PLCH1: variants seen among roughly 807,000 people sequenced by gnomAD.
PLCH1 encodes the protein phospholipase C eta 1.
In PLCH1, 60 loss-of-function variants were observed where a neutral mutation model predicts 126.7. That is an observed-to-expected ratio of 0.47 (90% CI 0.38 to 0.59). The LOEUF (loss-of-function observed/expected upper bound fraction) is 0.59, where lower values mean the gene tolerates loss of function less well. PLCH1 is among the 20% of genes least tolerant of loss of function. The probability of loss-of-function intolerance (pLI) is 0.00; values close to 1 mark genes in which losing one functional copy is unlikely to be tolerated. For synonymous variants in PLCH1, 719 were observed against 734.9 expected (o/e 0.98, Z 0.35); for missense variants, 1,723 against 2,040.0 (o/e 0.84, Z 2.99).
intron 21 of PLCH1, among the ~76,000 whole-genome samples, chr3:155,451,613 G>A (rs539494688): frequency 3.3e-5 from 5 of 152,240 alleles, no homozygotes; most frequent in African/African-American, 4.8e-5. Context: ...CAATGTGTGC[G>A]GGCCTCTTTC....
chr3:155,452,173 A>G (rs57985049), intron 21 of PLCH1, among the ~76,000 whole-genome samples: 6,740 of 152,250 alleles, frequency 0.044, 366 homozygotes, highest in African/African-American at 0.13. Flanking sequence ...CAGAATCATG[A>G]TAGGAGGAGA....
intron 21 of PLCH1, among the ~76,000 whole-genome samples, chr3:155,486,690 A>C (rs2108044624): frequency 6.7e-6 from 1 of 149,888 alleles, no homozygotes; most frequent in South Asian, 2.1e-4. Context: ...GCGCCCGGCT[A>C]ATTTTTTGTA....
At position 155,488,028 on chromosome 3, in the gene PLCH1, C is replaced by G; in HGVS notation, c.2619G>C (p.Lys873Asn). The change falls in exon 21 of 23, where the codon AAG becomes AAC. Residue 873 changes from lysine (K) to asparagine (N), a missense_variant and splice_region_variant. By Grantham distance (94) the Lys-to-Asn change is moderately conservative. Transcript: ENST00000460012. ...VHITINEIYG[K>N]NRQLQGLKGL... ...CTTTAAATCCTATGATCTTTCTCAC[C>G]TTTCCATAGATTTCATTGATGGTTA... 1 of 1,554,820 alleles carries G rather than the reference C, an allele frequency of 6.4e-7. No homozygotes were observed. Among genetic ancestry groups the G allele is most frequent in the Non-Finnish European group, 8.9e-7 (1 of 1,125,896 alleles).
chr3:155,708,717 A>C (rs1195997643), intron 1 of PLCH1, among the ~76,000 whole-genome samples: 1 of 152,148 alleles, frequency 6.6e-6, no homozygotes, highest in East Asian at 1.9e-4. Context: ...TTTTAAATTG[A>C]TCACCTTTTT....
chr3:155,540,443 A>G (rs1227971857), intron 10 of PLCH1, among the ~76,000 whole-genome samples: 5 of 152,346 alleles, frequency 3.3e-5, no homozygotes, highest in South Asian at 4.1e-4. Flanking sequence ...TAATCAGTGG[A>G]GTAAACAGAC....
At chr3:155,503,673 G>A (rs1718241238) in intron 13 of PLCH1, among the ~76,000 whole-genome samples, 1 of 151,954 alleles carries the variant, frequency 6.6e-6, no homozygotes, top group Admixed American at 6.5e-5. Flanking sequence ...GAGTAGCTGG[G>A]ATTACAGGCA....
At chr3:155,645,048 C>T (rs1048804350) in intron 2 of PLCH1, among the ~76,000 whole-genome samples, 11 of 152,260 alleles carry the variant, frequency 7.2e-5, no homozygotes, top group Non-Finnish European at 1.2e-4. Flanking sequence ...CACAATCCTA[C>T]GAGACAGAAT....
intron 1 of PLCH1, among the ~76,000 whole-genome samples, chr3:155,741,684 CT>C (rs71624571): frequency 0.053 from 5,472 of 102,524 alleles, 67 homozygotes; most frequent in Middle Eastern, 0.099. Context: ...TTTATATCCT[CT>C]TTTTTTTTTT....
At chr3:155,691,842 A>G (rs1220181059) in intron 2 of PLCH1, among the ~76,000 whole-genome samples, 2 of 152,136 alleles carry the variant, frequency 1.3e-5, no homozygotes, top group Non-Finnish European at 2.9e-5. Context: ...AACACTATTA[A>G]TATGTTCTTT....
intron 21 of PLCH1, among the ~76,000 whole-genome samples, chr3:155,472,796 T>A (rs965373618): frequency 6.6e-6 from 1 of 150,376 alleles, no homozygotes; most frequent in African/African-American, 2.4e-5. Flanking sequence ...ATAAATGTAA[T>A]CCAGCATATA....
At chr3:155,736,711 T>A (rs936776157) in intron 1 of PLCH1, among the ~76,000 whole-genome samples, 1 of 152,200 alleles carries the variant, frequency 6.6e-6, no homozygotes, top group Non-Finnish European at 1.5e-5. Context: ...GTTTTAAAAA[T>A]TATAAAATGC....
At position 155,481,866 on chromosome 3, in the gene PLCH1, C is replaced by T. The variant is rs763404012; in HGVS notation, c.4160G>A (p.Gly1387Asp). Reference protein sequence around the residue: ...ASPLKLKYNQGVVEHFQRGLR... With the variant: ...ASPLKLKYNQDVVEHFQRGLR... ...ACCTCTTTGAAAGTGTTCTACCACACCCTGATTGTACTTGAGTTTTAAAGG... is the reference window on the plus strand; with the variant it reads ...ACCTCTTTGAAAGTGTTCTACCACATCCTGATTGTACTTGAGTTTTAAAGG... Residue 1387 changes from glycine (G) to aspartate (D), a missense_variant, in exon 23 of 23, where the codon GGT becomes GAT. This residue lies in a region of PLCH1 where 947 missense variants were observed against 977.1 expected (regional missense o/e 0.97). Coordinates refer to ENST00000460012, the MANE Select transcript of PLCH1 (RefSeq NM_014996.4). This position sits in a 1 kb window ranked among gnomAD's most constrained non-coding sequence, Gnocchi z 4.2. The T allele has an allele frequency of 1.9e-6, 3 of 1,614,158 alleles. No individual in the cohort carries two copies. Among genetic ancestry groups the T allele is most frequent in the South Asian group, 2.2e-5 (2 of 91,084 alleles).
At chr3:155,671,294 G>C (rs1743416482) in intron 2 of PLCH1, among the ~76,000 whole-genome samples, 1 of 152,120 alleles carries the variant, frequency 6.6e-6, no homozygotes. Flanking sequence ...ATTAGTAGTA[G>C]GTACTCGATT....
intron 2 of PLCH1, among the ~76,000 whole-genome samples, chr3:155,628,251 C>T (rs140690448): frequency 1.3e-5 from 2 of 151,504 alleles, no homozygotes; most frequent in Non-Finnish European, 2.9e-5. Context: ...ACTCTCTGAC[C>T]TCTCCCACCC....
chr3:155,622,431 T>C (rs1029990462), intron 2 of PLCH1, among the ~76,000 whole-genome samples: 3 of 152,174 alleles, frequency 2.0e-5, no homozygotes, highest in Non-Finnish European at 4.4e-5. Context: ...TAAATGTAAA[T>C]GGGCTAAATG....
chr3:155,582,965 C>T (rs532900206), intron 6 of PLCH1, among the ~76,000 whole-genome samples: 147 of 151,884 alleles, frequency 9.7e-4, no homozygotes, highest in African/African-American at 3.5e-3. Flanking sequence ...TTCACATGAT[C>T]AAATGGCAAT....
rs143309483 is a variant in PLCH1 at position 155,609,183 on chromosome 3, A to C, written c.80-12805T>G. 3.0e-3 allele frequency among the ~76,000 whole-genome samples: 453 copies of C among 152,316 alleles called. 2 individuals carry two copies. The highest frequency in any genetic ancestry group is 0.02 in the South Asian group (94 of 4,820). On this transcript the variant is annotated intron_variant, in intron 2 of 22. Coordinates refer to ENST00000460012, the MANE Select transcript of PLCH1 (RefSeq NM_014996.4). ...CTCCACCAAAGCAGGGCTGGTATCCACAGCTAGGAGACATGAAGATGCCTG... is the reference window on the plus strand; with the variant it reads ...CTCCACCAAAGCAGGGCTGGTATCCCCAGCTAGGAGACATGAAGATGCCTG...
At chr3:155,488,201 GTTC>G in intron 20 of PLCH1, 94 bp from the exon 21 acceptor site, 1 of 708,896 alleles carries the variant, frequency 1.4e-6, no homozygotes, top group South Asian at 1.6e-5. Flanking sequence ...CTTGACTGTA[GTTC>G]TTTTTTTTTT....
rs1327444956 is a variant in PLCH1, at chr3:155,510,804, C to G, written c.1632+3919G>C. On this transcript the variant is annotated intron_variant, in intron 12 of 22. Coordinates refer to ENST00000460012, the MANE Select transcript of PLCH1 (RefSeq NM_014996.4). ...GCCCTTAACATTTTTTCCTTCATTTCAACTTTGGTGAATCTGACAATTATG... is the reference window on the plus strand; with the variant it reads ...GCCCTTAACATTTTTTCCTTCATTTGAACTTTGGTGAATCTGACAATTATG... 8.8e-4 allele frequency among the ~76,000 whole-genome samples: 91 copies of G among 103,812 alleles called. 6 individuals are homozygous for G. Among genetic ancestry groups the G allele is most frequent in the Middle Eastern group, 4.1e-3 (1 of 242 alleles). The allele number at this position is 103,812 out of a possible 152,430, so 68.1% of individuals were successfully genotyped here.
Sources: allele counts gnomAD v4.1 joint callset (sites outside exome capture counted in the v4.1 genomes callset), GRCh38; gene constraint gnomAD v4.1.1; regional missense constraint gnomAD v4.1.1; non-coding constraint Gnocchi (gnomAD v3.1); transcripts MANE v1.5; gene names NCBI Gene and HGNC (gene_info 2026-07-23, HGNC 2026-07-21).